Variants in NTNG1 observed in about 807,000 individuals in gnomAD.
NTNG1 encodes netrin-G1.
In NTNG1, 16 loss-of-function variants were observed where a neutral mutation model predicts 54.0. That is an observed-to-expected ratio of 0.30 (90% CI 0.20 to 0.45). The LOEUF (loss-of-function observed/expected upper bound fraction) is 0.45. Ranked by LOEUF, NTNG1 falls within the 20% of genes least tolerant of loss-of-function variation. NTNG1 has a pLI of 1.00. For missense variants in NTNG1, 530 were observed against 678.7 expected, an observed-to-expected ratio of 0.78 and a Z score of 2.43; for synonymous variants, 255 against 263.1, an observed-to-expected ratio of 0.97 and a Z score of 0.30.
chr1:107,411,569 G>T (rs557119795), intron 5 of NTNG1, among the ~76,000 whole-genome samples: 3 of 152,212 alleles, frequency 2.0e-5, no homozygotes, highest in African/African-American at 7.2e-5. Flanking sequence ...GTTATACAGA[G>T]AGCTGCAGTG....
intron 5 of NTNG1, among the ~76,000 whole-genome samples, chr1:107,423,366 G>A (rs767683672): frequency 3.9e-5 from 6 of 151,962 alleles, no homozygotes; most frequent in Non-Finnish European, 8.8e-5. Context: ...CATCTAGTCC[G>A]TAGAGGGCCC....
intron 2 of NTNG1, among the ~76,000 whole-genome samples, chr1:107,161,953 T>A (rs978457153): frequency 1.3e-5 from 2 of 151,688 alleles, no homozygotes; most frequent in African/African-American, 2.4e-5. Context: ...AAAAAAACTA[T>A]TCTGTAACTT....
At chr1:107,404,965 A>T (rs964020895) in intron 4 of NTNG1, among the ~76,000 whole-genome samples, 2 of 152,148 alleles carry the variant, frequency 1.3e-5, no homozygotes, top group Admixed American at 1.3e-4. Flanking sequence ...AGACATAGTC[A>T]CTGTTTGTTG....
In NTNG1 at chr1:107,300,903, C is replaced by T. The variant is rs374429435; in HGVS notation, c.247-23379C>T. Among the ~76,000 whole-genome samples, 9 of 152,142 alleles carry T rather than the reference C, an allele frequency of 5.9e-5. No individual in the cohort carries two copies. In the East Asian group the frequency reaches 7.7e-4, roughly 13 times the overall value. On this transcript the variant is annotated intron_variant, in intron 2 of 7. Coordinates refer to ENST00000370068, the MANE Select transcript of NTNG1 (RefSeq NM_001113226.3). ...AAAATGTATGTCAGCAAACTTATTT[C>T]GAGAGAATTTTAAGGGCTGTGGAGA...
At chr1:107,416,548 C>T (rs946955292) in intron 5 of NTNG1, among the ~76,000 whole-genome samples, 1 of 151,924 alleles carries the variant, frequency 6.6e-6, no homozygotes, top group Non-Finnish European at 1.5e-5. Flanking sequence ...GGAACCTCAG[C>T]ACCCTGTGGG....
chr1:107,378,228 G>A (rs747153986), intron 3 of NTNG1, among the ~76,000 whole-genome samples: 12 of 152,180 alleles, frequency 7.9e-5, no homozygotes, highest in Admixed American at 3.3e-4. Flanking sequence ...AGGAACTCCT[G>A]GGTCAGCAGC....
chr1:107,342,558 A>T (rs1326995184), intron 3 of NTNG1, among the ~76,000 whole-genome samples: 1 of 152,144 alleles, frequency 6.6e-6, no homozygotes, highest in Non-Finnish European at 1.5e-5. Context: ...TAGAGAAACC[A>T]TCTGCTCCAT....
chr1:107,267,843 A>G (rs1028018963), intron 2 of NTNG1, among the ~76,000 whole-genome samples: 4 of 152,194 alleles, frequency 2.6e-5, no homozygotes, highest in Admixed American at 2.6e-4. Context: ...GTCCTTCACT[A>G]GAATGAAAAA....
At chr1:107,409,504 A>C (rs1673659795) in intron 5 of NTNG1, 1 of 152,160 alleles carries the variant, frequency 6.6e-6, no homozygotes, top group East Asian at 1.9e-4. Context: ...TTGACCTTTT[A>C]CACATCAAAT....
At chr1:107,463,532 T>G (rs148202346) in intron 7 of NTNG1, among the ~76,000 whole-genome samples, 2,354 of 152,024 alleles carry the variant, frequency 0.015, 53 homozygotes, top group African/African-American at 0.054. Context: ...CATAATAACC[T>G]TGGTTTTTTT....
rs375935852 is a variant in NTNG1 at position 107,482,055 on chromosome 1, C to A, written c.*1215C>A. 1.4e-4 allele frequency: 16 copies of A among 114,494 alleles called. No individual in the cohort carries two copies. The highest frequency in any genetic ancestry group is 3.3e-4 in the South Asian group (1 of 3,024). 7.1% of individuals were successfully genotyped at this position (114,494 alleles called of 1,614,324 possible). A position where few individuals can be genotyped will look rare whatever the true frequency, so the allele number is the denominator to read the frequency against. On this transcript the variant is annotated 3_prime_UTR_variant, in exon 8 of 8. Coordinates refer to ENST00000370068, the MANE Select transcript of NTNG1 (RefSeq NM_001113226.3). ...TTCCACTTGGGAAAAATTACAACAG[C>A]AAAAAAAAAAAAAAAAAAAAAAAAA...
At chr1:107,325,916 T>C (rs1206522914) in intron 3 of NTNG1, among the ~76,000 whole-genome samples, 2 of 152,146 alleles carry the variant, frequency 1.3e-5, no homozygotes, top group Non-Finnish European at 2.9e-5. Context: ...GGTTTCATTA[T>C]TTAATGATAA....
At chr1:107,300,543 G>A (rs75239000) in intron 2 of NTNG1, among the ~76,000 whole-genome samples, 1,607 of 152,218 alleles carry the variant, frequency 0.011, 35 homozygotes, top group African/African-American at 0.037. Context: ...TTATAATTAA[G>A]ACAGCTATTT....
intron 6 of NTNG1, 138 bp downstream of exon 6, chr1:107,431,055 AT>A: frequency 1.4e-6 from 1 of 728,110 alleles, no homozygotes; most frequent in South Asian, 1.9e-5. Flanking sequence ...CCTATGGTAG[AT>A]TTCACTTGTG....
chr1:107,392,613 G>A (rs533931655), intron 3 of NTNG1, among the ~76,000 whole-genome samples: 12 of 152,190 alleles, frequency 7.9e-5, no homozygotes, highest in South Asian at 4.1e-4. Context: ...CAAGGAGGTC[G>A]TGGGTGATTT....
intron 2 of NTNG1, among the ~76,000 whole-genome samples, chr1:107,199,005 G>C (rs1658535720): frequency 6.6e-6 from 1 of 151,046 alleles, no homozygotes; most frequent in African/African-American, 2.4e-5. Flanking sequence ...AGTTTCTTCT[G>C]AAATTGCTAT....
chr1:107,382,013 C>A (rs534761801), intron 3 of NTNG1, among the ~76,000 whole-genome samples: 14 of 152,114 alleles, frequency 9.2e-5, no homozygotes, highest in Non-Finnish European at 2.1e-4. Flanking sequence ...TTGAACCAAT[C>A]ACAATGGTTG....
intron 2 of NTNG1, 29 bp downstream of exon 2, chr1:107,148,868 T>G: frequency 6.2e-7 from 1 of 1,604,770 alleles, no homozygotes; most frequent in Non-Finnish European, 8.5e-7. Flanking sequence ...ATAAAATATT[T>G]CATATAAATA....
At chr1:107,363,738 T>C (rs1041849021) in intron 3 of NTNG1, among the ~76,000 whole-genome samples, 7 of 152,230 alleles carry the variant, frequency 4.6e-5, no homozygotes, top group Non-Finnish European at 8.8e-5. Flanking sequence ...CATTTCATAT[T>C]GATCACTTGC....
Sources: allele counts gnomAD v4.1 joint callset (sites outside exome capture counted in the v4.1 genomes callset), GRCh38; gene constraint gnomAD v4.1.1; transcripts MANE v1.5; gene names NCBI Gene and HGNC (gene_info 2026-07-23, HGNC 2026-07-21).